Variants in WLS observed in about 807,000 individuals in gnomAD.
The protein encoded by WLS is Wnt ligand secretion mediator.
Under a neutral mutation model 62.8 loss-of-function variants are expected in WLS, and 23 were observed. That is an observed-to-expected ratio of 0.37 (90% CI 0.26 to 0.52). WLS has a LOEUF of 0.52. Among genes scored for constraint, WLS ranks in the 20% least tolerant of loss-of-function variants. The pLI, the probability that WLS is intolerant of heterozygous loss-of-function variation, is 0.92. For missense variants in WLS, 615 were observed against 697.3 expected (o/e 0.88, Z 1.33); for synonymous variants, 246 against 244.1 (o/e 1.01, Z -0.07).
chr1:68,182,548 A>C (rs1288419777), intron 2 of WLS, among the ~76,000 whole-genome samples: 1 of 152,228 alleles, frequency 6.6e-6, no homozygotes, highest in Non-Finnish European at 1.5e-5. Context: ...GTCAGTAAGT[A>C]AAACTGATTC....
intron 1 of WLS, among the ~76,000 whole-genome samples, chr1:68,195,012 C>A (rs1648583985): frequency 6.6e-6 from 1 of 152,182 alleles, no homozygotes; most frequent in Non-Finnish European, 1.5e-5. Context: ...CAAAATCCCA[C>A]TAGAGGGAAG....
intron 2 of WLS, among the ~76,000 whole-genome samples, chr1:68,167,483 C>T (rs887879251): frequency 2.0e-5 from 3 of 152,186 alleles, no homozygotes; most frequent in African/African-American, 7.2e-5. Context: ...ACTTCCCCTC[C>T]ACCCTCCAGA....
At position 68,179,593 on chromosome 1, in the gene WLS, A is replaced by G. The variant is rs1332997283; in HGVS notation, c.379+14362T>C. 7.2e-5 allele frequency among the ~76,000 whole-genome samples: 11 copies of G among 152,230 alleles called. 1 individual carries two copies. In the South Asian group the frequency reaches 2.3e-3, roughly 32 times the overall value. On this transcript the variant is annotated intron_variant, in intron 2 of 11. Coordinates refer to ENST00000262348, the MANE Select transcript of WLS (RefSeq NM_024911.7). ...GGACTTCACCCCCACTAACTTAACCAGAAATCAGCTGGAGGGATACAGGAG... is the reference window on the plus strand; with the variant it reads ...GGACTTCACCCCCACTAACTTAACCGGAAATCAGCTGGAGGGATACAGGAG...
chr1:68,126,126 A>G lies in WLS; in HGVS notation c.*100T>C. 6.6e-7 allele frequency: 1 copy of G among 1,520,470 alleles called. No homozygotes were observed. The highest frequency in any genetic ancestry group is 8.8e-7 in the Non-Finnish European group (1 of 1,131,566). The allele number at this position is 1,520,470 out of a possible 1,614,324, so 94.2% of individuals were successfully genotyped here. On this transcript the variant is annotated 3_prime_UTR_variant, in exon 12 of 12. Coordinates refer to ENST00000262348, the MANE Select transcript of WLS (RefSeq NM_024911.7). ...CAAGAAACCACAGCTAAGAGCCATG[A>G]GGCATTCATTTGTACATTGAGCTCT... is the stretch of plus-strand genomic sequence containing the variant.
chr1:68,102,895 G>GT (rs1227574605), intron 11 of WLS, among the ~76,000 whole-genome samples: 3 of 152,182 alleles, frequency 2.0e-5, no homozygotes, highest in Admixed American at 2.0e-4. Context: ...CTTTGTCCAA[G>GT]TAGACCCCTT....
At chr1:68,111,563 C>T (rs1459249496) in intron 11 of WLS, among the ~76,000 whole-genome samples, 1 of 152,160 alleles carries the variant, frequency 6.6e-6, no homozygotes, top group Non-Finnish European at 1.5e-5. Flanking sequence ...GGCTAAATAT[C>T]CTCCAATGTG....
At chr1:68,227,839 G>T (rs947159789) in intron 1 of WLS, among the ~76,000 whole-genome samples, 1 of 152,106 alleles carries the variant, frequency 6.6e-6, no homozygotes, top group Non-Finnish European at 1.5e-5. Context: ...TAAAAGAAAT[G>T]CAACAAGCTT....
At position 68,194,080 on chromosome 1, in the gene WLS, A is replaced by G. The variant is rs541503463; in HGVS notation, c.254T>C (p.Ile85Thr). ...AGAAAACACGATGTCATTGGCTTCA[A>G]TTTCCCTTGGAATTGCCTCTTCAAT... Reference protein sequence around the residue: ...RDIEEAIPREIEANDIVFSVH... With the variant: ...RDIEEAIPRETEANDIVFSVH... Residue 85 changes from isoleucine (I) to threonine (T), a missense_variant, in exon 2 of 12, where the codon ATT (isoleucine) becomes ACT (threonine). By Grantham distance (89) the Ile-to-Thr change is moderately conservative. Transcript: ENST00000262348. 31 of 1,614,166 alleles carry G rather than the reference A, an allele frequency of 1.9e-5. No individual in the cohort carries two copies. In the South Asian group the frequency reaches 2.5e-4, roughly 13 times the overall value.
chr1:68,194,372 A>C, intron 1 of WLS, 145 bp from the exon 2 acceptor site: 1 of 1,072,586 alleles, frequency 9.3e-7, no homozygotes, highest in Non-Finnish European at 1.3e-6. Context: ...GGATCTTCCA[A>C]ATCTGGGTGA....
At chr1:68,120,368 T>C (rs1646348622), downstream of WLS, among the ~76,000 whole-genome samples, 1 of 152,198 alleles carries the variant, frequency 6.6e-6, no homozygotes, top group South Asian at 2.1e-4. Flanking sequence ...ACACTTGCCA[T>C]TCATGGAGGT....
chr1:68,232,306 G>GCC lies in WLS; in HGVS notation c.-9_-8dup, dbSNP rs564442210. 8.1e-5 allele frequency: 131 copies of GCC among 1,612,422 alleles called. No homozygotes were observed. In the African/African-American group the frequency reaches 1.5e-3, roughly 19 times the overall value. On this transcript the variant is annotated 5_prime_UTR_variant, in exon 1 of 12. Transcript: ENST00000262348. ...CTATAATTGCCCCAGCCATTTTTGC[G>GCC]CCCCCCCTTTTTCTTTTCTCCTTGA...
At chr1:68,149,094 G>T (rs996248537) in intron 6 of WLS, among the ~76,000 whole-genome samples, 1 of 152,184 alleles carries the variant, frequency 6.6e-6, no homozygotes, top group Admixed American at 6.5e-5. Flanking sequence ...GTCTATTATG[G>T]TGAGGAAAAT....
Position 68,118,875 on chromosome 1 carries a change from C to CAAAAAAAAAAAAAAAAAAAAAAAAAA in WLS, c.1510+18879_1510+18904dup, listed in dbSNP as rs33982774. 1.9e-4 allele frequency among the ~76,000 whole-genome samples: 5 copies of CAAAAAAAAAAAAAAAAAAAAAAAAAA among 26,390 alleles called. 1 individual carries two copies. Among genetic ancestry groups the CAAAAAAAAAAAAAAAAAAAAAAAAAA allele is most frequent in the African/African-American group, 2.5e-4 (2 of 8,052 alleles). 17.3% of individuals were successfully genotyped at this position (26,390 alleles called of 152,430 possible). A position where few individuals can be genotyped will look rare whatever the true frequency, so the allele number is the denominator to read the frequency against. ...CTGGGTGACGAGCAAGACTCTGTCT[C>CAAAAAAAAAAAAAAAAAAAAAAAAAA]AAAAAAAAAAAAAAAAAAAAAAAAA... On this transcript the variant is annotated intron_variant, in intron 11 of 11. Coordinates refer to the WLS transcript ENST00000354777.
chr1:68,166,864 C>T (rs993331187), intron 2 of WLS, among the ~76,000 whole-genome samples: 24 of 152,128 alleles, frequency 1.6e-4, no homozygotes, highest in African/African-American at 2.2e-4. Context: ...CTCAGAAAGC[C>T]CTACCCTAGA....
At chr1:68,107,162 GCT>G (rs1284592109) in intron 11 of WLS, among the ~76,000 whole-genome samples, 1 of 152,026 alleles carries the variant, frequency 6.6e-6, no homozygotes, top group Non-Finnish European at 1.5e-5. Context: ...TTTTTAGTCA[GCT>G]CTTTTTAATT....
At position 68,193,840 on chromosome 1, in the gene WLS, A is replaced by G. The variant is rs1169838046; in HGVS notation, c.379+115T>C. ...ACAGAAAGTGCCTGGGAAGTAGTCAATAATTGTTTGCTATTACTATTACCA... is the reference window on the plus strand; with the variant it reads ...ACAGAAAGTGCCTGGGAAGTAGTCAGTAATTGTTTGCTATTACTATTACCA... On this transcript the variant is annotated intron_variant, in intron 2 of 11. Transcript: ENST00000262348. The G allele has an allele frequency of 4.4e-6, 6 of 1,372,902 alleles. No homozygotes were observed. In the African/African-American group the frequency reaches 5.9e-5, roughly 13 times the overall value. The allele number at this position is 1,372,902 out of a possible 1,614,324, so 85.0% of individuals were successfully genotyped here.
chr1:68,208,676 C>T lies in WLS; in HGVS notation c.107-14449G>A, dbSNP rs113992746. 2.2e-3 allele frequency among the ~76,000 whole-genome samples: 328 copies of T among 152,296 alleles called. 1 individual carries two copies. Among genetic ancestry groups the T allele is most frequent in the African/African-American group, 7.7e-3 (320 of 41,572 alleles). ...GCCTGTTTCTTTGACAGAATCCCTACTTGGAGACTGGACCAAAGAGGCTAT... is the reference window on the plus strand; with the variant it reads ...GCCTGTTTCTTTGACAGAATCCCTATTTGGAGACTGGACCAAAGAGGCTAT... On this transcript the variant is annotated intron_variant, in intron 1 of 11. Coordinates refer to ENST00000262348, the MANE Select transcript of WLS (RefSeq NM_024911.7).
At chr1:68,193,737 C>T in intron 2 of WLS, 1 of 561,868 alleles carries the variant, frequency 1.8e-6, no homozygotes, top group South Asian at 2.2e-5. Flanking sequence ...CCCAAGTGTT[C>T]CATCTGTAAA....
intron 1 of WLS, among the ~76,000 whole-genome samples, chr1:68,221,783 G>A (rs1366857435): frequency 3.9e-5 from 6 of 152,244 alleles, no homozygotes; most frequent in East Asian, 1.9e-4. Context: ...ATAGTGCTTC[G>A]TGACTCTGCT....
Sources: gnomAD v4.1 joint callset for allele counts (sites outside exome capture counted in the v4.1 genomes callset) on GRCh38, gnomAD v4.1.1 for gene constraint, MANE v1.5 for transcripts, NCBI Gene and HGNC (gene_info 2026-07-23, HGNC 2026-07-21) for gene names.